The following LOXL2 variants were observed in gnomAD, a reference collection of about 807,000 sequenced individuals.
LOXL2 encodes lysyl oxidase homolog 2.
In LOXL2, 70 loss-of-function variants were observed where a neutral mutation model predicts 93.0. The ratio of observed to expected loss-of-function variants is 0.75; its 90% CI spans 0.62 to 0.92. The LOEUF (loss-of-function observed/expected upper bound fraction) is 0.92. Ranked by LOEUF, LOXL2 falls within the 40% of genes least tolerant of loss-of-function variation. The pLI is 0.00. For synonymous variants in LOXL2, 438 were observed against 413.2 expected (o/e 1.06, Z -0.73); for missense variants, 973 against 1,054.9 (o/e 0.92, Z 1.08).
intron 5 of LOXL2, among the ~76,000 whole-genome samples, chr8:23,332,969 G>T (rs1317861829): frequency 2.0e-5 from 3 of 151,328 alleles, no homozygotes; most frequent in African/African-American, 7.3e-5. Flanking sequence ...AGATGACTTA[G>T]GATAATGGCA....
rs531560964 is a variant in LOXL2, at chr8:23,368,097, A to G, written c.255T>C (p.Asp85=). ...GGGCAGCGTGGATGGAGAAGTCGTC[A>G]TCGCACACGGTGCCCCACTGGCCAT... ...YYDGQWGTVC[D]DDFSIHAAHV... Residue 85 remains aspartate (D), a synonymous_variant, in exon 2 of 14, where the codon GAT becomes GAC. Transcript: ENST00000389131. The G allele has an allele frequency of 1.7e-5, 27 of 1,614,098 alleles. No individual in the cohort carries two copies. The highest frequency in any genetic ancestry group is 2.2e-5 in the Non-Finnish European group (26 of 1,180,044).
chr8:23,356,313 T>C (rs1804197633), intron 3 of LOXL2, among the ~76,000 whole-genome samples: 2 of 152,246 alleles, frequency 1.3e-5, no homozygotes, highest in South Asian at 4.1e-4. Flanking sequence ...AAGCTATGTC[T>C]CTTCCTCTTA....
At chr8:23,335,135 A>T (rs748685875) in intron 4 of LOXL2, among the ~76,000 whole-genome samples, 2 of 152,190 alleles carry the variant, frequency 1.3e-5, no homozygotes, top group Non-Finnish European at 2.9e-5. Flanking sequence ...ATTTGGAGGT[A>T]GTATCCAAAT....
chr8:23,354,025 G>A (rs534957007), intron 3 of LOXL2, among the ~76,000 whole-genome samples: 40 of 152,312 alleles, frequency 2.6e-4, no homozygotes, highest in African/African-American at 9.1e-4. Flanking sequence ...CCAAGCAGCT[G>A]TAGGAGTCCA....
At chr8:23,350,227 T>C (rs1804069929) in intron 3 of LOXL2, among the ~76,000 whole-genome samples, 1 of 152,000 alleles carries the variant, frequency 6.6e-6, no homozygotes, top group African/African-American at 2.4e-5. Flanking sequence ...ACTCCAGGAG[T>C]CTGGCTATGT....
intron 1 of LOXL2, among the ~76,000 whole-genome samples, chr8:23,401,885 CGTTTT>C (rs1358801251): frequency 6.6e-6 from 1 of 152,228 alleles, no homozygotes; most frequent in Non-Finnish European, 1.5e-5. Flanking sequence ...GTGTTAAGTA[CGTTTT>C]GTTTTCAGAC....
chr8:23,303,390 G>A lies in LOXL2; in HGVS notation c.1888C>T (p.His630Tyr). 5.0e-6 allele frequency: 8 copies of A among 1,593,332 alleles called. No individual in the cohort carries two copies. The highest frequency in any genetic ancestry group is 5.2e-6 in the Non-Finnish European group (6 of 1,161,396). The change falls in exon 11 of 14, where the codon CAC (histidine) becomes TAC (tyrosine). Residue 630 changes from histidine to tyrosine, a missense_variant. By Grantham distance (83) the His-to-Tyr change is moderately conservative. Coordinates refer to ENST00000389131, the MANE Select transcript of LOXL2 (RefSeq NM_002318.3). ...TAGTGGGTGAACACCTCCATGCTGTGGTAGTGCCTGGAGCGAGAGAGAGAT... is the reference window on the plus strand; with the variant it reads ...TAGTGGGTGAACACCTCCATGCTGTAGTAGTGCCTGGAGCGAGAGAGAGAT... ...WIWHDCHRHY[H>Y]SMEVFTHYDL...
At chr8:23,299,089 A>C (rs1803085277) in intron 12 of LOXL2, 142 bp from the exon 13 acceptor site, 1 of 605,944 alleles carries the variant, frequency 1.7e-6, no homozygotes, top group South Asian at 1.9e-5. Context: ...GTGGGTCTCA[A>C]CAAAGTCCTT....
At chr8:23,385,935 C>T (rs776438702) in intron 1 of LOXL2, 22 of 765,016 alleles carry the variant, frequency 2.9e-5, no homozygotes, top group Non-Finnish European at 5.3e-5. Context: ...ATCTCAATTC[C>T]AAGCAGCACA....
intron 10 of LOXL2, among the ~76,000 whole-genome samples, chr8:23,306,400 G>A (rs1217679561): frequency 1.3e-5 from 2 of 152,212 alleles, no homozygotes; most frequent in East Asian, 1.9e-4. Context: ...TCCTGTCCTC[G>A]TTTCAGAAAA....
chr8:23,401,225 T>C (rs1178731217), intron 1 of LOXL2, among the ~76,000 whole-genome samples: 1 of 152,128 alleles, frequency 6.6e-6, no homozygotes, highest in Non-Finnish European at 1.5e-5. Flanking sequence ...AAGAATCAAA[T>C]GACATAGTGG....
chr8:23,334,677 G>GTT (rs397937491), intron 4 of LOXL2, among the ~76,000 whole-genome samples: 34 of 148,434 alleles, frequency 2.3e-4, no homozygotes, highest in South Asian at 2.1e-4. Context: ...AGGTAATTCA[G>GTT]TTTTTTTTTT....
At chr8:23,307,493 G>T (rs1803247720) in intron 10 of LOXL2, among the ~76,000 whole-genome samples, 1 of 152,110 alleles carries the variant, frequency 6.6e-6, no homozygotes, top group Non-Finnish European at 1.5e-5. Context: ...AGGGAGCCAG[G>T]GTCTCCAGAT....
chr8:23,380,358 A>G (rs1288432273), intron 1 of LOXL2, among the ~76,000 whole-genome samples: 1 of 135,810 alleles, frequency 7.4e-6, no homozygotes, highest in Non-Finnish European at 1.5e-5. Context: ...ATGCCACTGC[A>G]CTCCAGCCTC....
In LOXL2 at chr8:23,309,899, A is replaced by C; in HGVS notation, c.1649T>G (p.Leu550Arg). The C allele has an allele frequency of 6.7e-7, 1 of 1,501,600 alleles. No homozygotes were observed. Among genetic ancestry groups the C allele is most frequent in the Non-Finnish European group, 9.0e-7 (1 of 1,116,534 alleles). The allele number at this position is 1,501,600 out of a possible 1,614,324, so 93.0% of individuals were successfully genotyped here. A position where few individuals can be genotyped will look rare whatever the true frequency, so the allele number is the denominator to read the frequency against. The stretch of plus-strand genomic sequence containing the variant: ...CTGCACCATCTCCGCATTGAGGACC[A>C]GGTCAGGGGCGGCTGCGGAGGATGG... ...GVACSETAPD[L>R]VLNAEMVQQT... The change falls in exon 10 of 14, where the codon CTG becomes CGG. Residue 550 changes from leucine to arginine, a missense_variant. Leu to Arg is a moderately radical substitution (Grantham distance 102). Transcript: ENST00000389131.
intron 2 of LOXL2, among the ~76,000 whole-genome samples, chr8:23,361,642 A>G (rs1804292080): frequency 6.6e-6 from 1 of 152,122 alleles, no homozygotes; most frequent in South Asian, 2.1e-4. Flanking sequence ...GGAGATCGAG[A>G]CCATCCTGGC....
chr8:23,344,491 T>C (rs1177900650), intron 3 of LOXL2, among the ~76,000 whole-genome samples: 1 of 152,022 alleles, frequency 6.6e-6, no homozygotes, highest in African/African-American at 2.4e-5. Flanking sequence ...CACGGGGGTA[T>C]ATGCATGATG....
chr8:23,334,933 C>T (rs1170120871), intron 4 of LOXL2, among the ~76,000 whole-genome samples: 3 of 151,686 alleles, frequency 2.0e-5, no homozygotes, highest in African/African-American at 7.3e-5. Context: ...TCTCCTGCTT[C>T]AGCCTCCCGT....
chr8:23,346,095 A>ATTAAATTAAAT (rs1367907831), intron 3 of LOXL2, among the ~76,000 whole-genome samples: 1 of 82,162 alleles, frequency 1.2e-5, no homozygotes, highest in African/African-American at 6.1e-5. Flanking sequence ...ATAAAATAAA[A>ATTAAATTAAAT]TAAAATAAAA....
Sources: allele counts gnomAD v4.1 joint callset (sites outside exome capture counted in the v4.1 genomes callset), GRCh38; gene constraint gnomAD v4.1.1; transcripts MANE v1.5; gene names NCBI Gene and HGNC (gene_info 2026-07-23, HGNC 2026-07-21).